INPP5K: variants seen among roughly 807,000 people sequenced by gnomAD.
INPP5K encodes the protein inositol polyphosphate-5-phosphatase K.
In INPP5K, 35 loss-of-function variants were observed where a neutral mutation model predicts 53.5. That is an observed-to-expected ratio of 0.65 (90% confidence interval 0.50 to 0.87). INPP5K has a LOEUF of 0.87. Ranked by LOEUF, INPP5K falls within the 40% of genes least tolerant of loss-of-function variation. INPP5K has a pLI of 0.00. For synonymous variants in INPP5K, 253 were observed against 232.8 expected (o/e 1.09, Z -0.79); for missense variants, 550 against 586.2 (o/e 0.94, Z 0.64).
rs145289537 is a variant in INPP5K, at chr17:1,515,198, C to T, written c.45-1219G>A. Reference sequence around the variant, plus strand: ...TGCTGGGATTACAGGCCTGAGCCACCGCGCCCGGCCAAGGAGTTTTTAAGT... The same window carrying T: ...TGCTGGGATTACAGGCCTGAGCCACTGCGCCCGGCCAAGGAGTTTTTAAGT... On this transcript the variant is annotated intron_variant, in intron 1 of 11. Transcript: ENST00000421807. 9.6e-4 allele frequency among the ~76,000 whole-genome samples: 146 copies of T among 152,310 alleles called. 1 individual carries two copies. The highest frequency in any genetic ancestry group is 3.1e-3 in the African/African-American group (127 of 41,560).
chr17:1,502,505 T>C (rs547207024), intron 7 of INPP5K, among the ~76,000 whole-genome samples: 10 of 152,138 alleles, frequency 6.6e-5, no homozygotes, highest in Non-Finnish European at 1.0e-4. Flanking sequence ...CTGTCTCTCC[T>C]TCCTCCTCAG....
chr17:1,505,907 G>A (rs1213546642), intron 7 of INPP5K, among the ~76,000 whole-genome samples: 2 of 152,224 alleles, frequency 1.3e-5, no homozygotes, highest in Non-Finnish European at 2.9e-5. Context: ...GCCCCAAAAT[G>A]AGTCAGGGAC....
Position 1,516,487 on chromosome 17 carries a change from TC to T in INPP5K, c.12del (p.Lys5SerfsTer2). On this transcript the variant is annotated frameshift_variant, in exon 1 of 12. Transcript: ENST00000421807. LOFTEE classifies it high-confidence loss of function. ...CTCCTGCCTTTCGGCCCGCTCAGCT[TC>T]CGCGAGCTCATGGCCGCCGTCGTCC... MSSRKLSGPKGRRL... is the reference protein window; with the variant it reads MSSXKLSGPKGRRL... The T allele has an allele frequency of 6.3e-7, 1 of 1,586,744 alleles. No homozygotes were observed.
chr17:1,498,209 G>A, intron 7 of INPP5K, 87 bp from the exon 8 acceptor site: 2 of 1,212,468 alleles, frequency 1.6e-6, no homozygotes, highest in South Asian at 1.5e-5. Context: ...TGAGCTTGCT[G>A]GAGCCCCTAA....
At chr17:1,503,106 GAGCTCCT>G (rs2075067401) in intron 7 of INPP5K, among the ~76,000 whole-genome samples, 1 of 151,734 alleles carries the variant, frequency 6.6e-6, no homozygotes, top group African/African-American at 2.4e-5. Flanking sequence ...GGCTGAACCT[GAGCTCCT>G]GGGTTCAAGT....
Position 1,516,578 on chromosome 17 carries a change from G to C in INPP5K, c.-79C>G. 6.9e-7 allele frequency: 1 copy of C among 1,444,560 alleles called. No individual in the cohort carries two copies. Among genetic ancestry groups the C allele is most frequent in the South Asian group, 1.4e-5 (1 of 71,712 alleles). 89.5% of individuals were successfully genotyped at this position (1,444,560 alleles called of 1,614,324 possible). On this transcript the variant is annotated 5_prime_UTR_variant, in exon 1 of 12. Transcript: ENST00000421807. ...GGGTCCCGGCCAGAGCAGCCCTGCG[G>C]GCGGCCGGTCTCACGCGCCTAGCTG...
chr17:1,496,329 T>C lies in INPP5K; in HGVS notation c.1175A>G (p.Asn392Ser), dbSNP rs1472549277. The C allele has an allele frequency of 1.9e-6, 3 of 1,561,028 alleles. No individual in the cohort carries two copies. The highest frequency in any genetic ancestry group is 2.6e-6 in the Non-Finnish European group (3 of 1,151,966). Reference protein sequence around the residue: ...VGDSKVSCSDNLNQVYIDISN... With the variant: ...VGDSKVSCSDSLNQVYIDISN... ...GTGCTGGTGACGTACCTGGTTCAGGTTGTCGCTGCAGGAGACCTTGCTGTC... is the reference window on the plus strand; with the variant it reads ...GTGCTGGTGACGTACCTGGTTCAGGCTGTCGCTGCAGGAGACCTTGCTGTC... The change falls in exon 10 of 12, where the codon AAC (asparagine) becomes AGC (serine). Residue 392 changes from asparagine to serine, a missense_variant. Transcript: ENST00000421807.
Position 1,508,172 on chromosome 17 carries a change from G to A in INPP5K, c.609C>T (p.His203=). The A allele has an allele frequency of 6.2e-7, 1 of 1,614,114 alleles. No individual in the cohort carries two copies. Among genetic ancestry groups the A allele is most frequent in the South Asian group, 1.1e-5 (1 of 91,082 alleles). ...GATTTTTAATGGATTCCCGAACAAA[G>A]TGCAACCCAAAGTCCTCGATCCGAA... ...MNFRIEDFGL[H]FVRESIKNRC... The change falls in exon 6 of 12, where the codon CAC becomes CAT. Residue 203 remains histidine (H), a synonymous_variant. Coordinates refer to ENST00000421807, the MANE Select transcript of INPP5K (RefSeq NM_016532.4).
rs2075089766 is a variant in INPP5K at position 1,503,728 on chromosome 17, A to T, written c.776+3252T>A. Among the ~76,000 whole-genome samples, 3 of 152,122 alleles carry T rather than the reference A, an allele frequency of 2.0e-5. No homozygotes were observed. In the South Asian group the frequency reaches 6.2e-4, roughly 31 times the overall value. ...AAGAAAACTCTGTCTCGAAAAAAATAAAACACTTTGTCTGGGCTCACAGTG... is the reference window on the plus strand; with the variant it reads ...AAGAAAACTCTGTCTCGAAAAAAATTAAACACTTTGTCTGGGCTCACAGTG... On this transcript the variant is annotated intron_variant, in intron 7 of 11. Transcript: ENST00000421807.
In INPP5K at chr17:1,496,337, G is replaced by A; in HGVS notation, c.1167C>T (p.Cys389=). The A allele has an allele frequency of 6.4e-7, 1 of 1,562,550 alleles. No individual in the cohort carries two copies. The highest frequency in any genetic ancestry group is 8.7e-7 in the Non-Finnish European group (1 of 1,152,766). The change falls in exon 10 of 12, where the codon TGC becomes TGT. Residue 389 remains cysteine (C), a synonymous_variant. Coordinates refer to ENST00000421807, the MANE Select transcript of INPP5K (RefSeq NM_016532.4). The part of the protein sequence containing the change: ...YAWVGDSKVS[C]SDNLNQVYID... Reference sequence around the variant, plus strand: ...GACGTACCTGGTTCAGGTTGTCGCTGCAGGAGACCTTGCTGTCCCCGACCC... The same window carrying A: ...GACGTACCTGGTTCAGGTTGTCGCTACAGGAGACCTTGCTGTCCCCGACCC...
Position 1,495,963 on chromosome 17 carries a change from C to T in INPP5K, c.1291-84G>A, listed in dbSNP as rs963175305. The T allele has an allele frequency of 9.9e-6, 14 of 1,415,332 alleles. No homozygotes were observed. The African/African-American group carries it at 1.3e-4, about 13-fold the overall frequency. The allele number at this position is 1,415,332 out of a possible 1,614,324, so 87.7% of individuals were successfully genotyped here. A position where few individuals can be genotyped will look rare whatever the true frequency, so the allele number is the denominator to read the frequency against. On this transcript the variant is annotated intron_variant, in intron 11 of 11. Transcript: ENST00000421807. ...CACCCCCGTTCCTGCACTGCAGCGG[C>T]CCCTCATGTACCGGCTGGCTCCCAG...
chr17:1,499,381 T>C (rs542787517), intron 7 of INPP5K, among the ~76,000 whole-genome samples: 87 of 152,178 alleles, frequency 5.7e-4, no homozygotes, highest in African/African-American at 2.0e-3. Flanking sequence ...TAATCCCAGC[T>C]ACTCGGGAGG....
chr17:1,499,495 A>G (rs940333828), intron 7 of INPP5K, among the ~76,000 whole-genome samples: 1 of 151,896 alleles, frequency 6.6e-6, no homozygotes, highest in African/African-American at 2.4e-5. Flanking sequence ...TCTATCTCCA[A>G]AAAAAAAGGA....
intron 1 of INPP5K, 45 bp from the exon 2 acceptor site, chr17:1,514,024 G>C: frequency 3.6e-6 from 5 of 1,400,660 alleles, no homozygotes; most frequent in East Asian, 2.3e-5. Flanking sequence ...AGGAGGATAA[G>C]ATAGTGCACG....
intron 7 of INPP5K, among the ~76,000 whole-genome samples, chr17:1,501,834 T>C (rs1039533585): frequency 4.7e-5 from 7 of 148,642 alleles, no homozygotes; most frequent in East Asian, 2.0e-4. Flanking sequence ...CTGGCCAACA[T>C]GGTGAAACCC....
At chr17:1,508,268 G>T in intron 5 of INPP5K, 42 bp from the exon 6 acceptor site, 1 of 1,486,628 alleles carries the variant, frequency 6.7e-7, no homozygotes, top group Non-Finnish European at 9.4e-7. Flanking sequence ...TTGTGATGAA[G>T]TCGGGGAAGG....
At chr17:1,513,379 A>G in intron 3 of INPP5K, 74 bp downstream of exon 3, 2 of 1,131,934 alleles carry the variant, frequency 1.8e-6, no homozygotes, top group South Asian at 2.5e-5. Context: ...AGAGGAACAC[A>G]TCAGACCCAA....
chr17:1,513,678 T>A, intron 2 of INPP5K, 117 bp from the exon 3 acceptor site: 1 of 981,694 alleles, frequency 1.0e-6, no homozygotes, highest in Non-Finnish European at 1.6e-6. Flanking sequence ...CCATGAGGTC[T>A]CCCTCCCCTG....
chr17:1,508,950 G>A (rs2150989358), intron 5 of INPP5K: 1 of 396,998 alleles, frequency 2.5e-6, no homozygotes, highest in East Asian at 5.1e-5. Context: ...CACTCGTGGG[G>A]GTCAGCGTGG....
Sources: gnomAD v4.1 joint callset for allele counts (sites outside exome capture counted in the v4.1 genomes callset) on GRCh38, gnomAD v4.1.1 for gene constraint, MANE v1.5 for transcripts, NCBI Gene and HGNC (gene_info 2026-07-23, HGNC 2026-07-21) for gene names.